Variants in RUNX2 observed in about 807,000 individuals in gnomAD.
The protein encoded by RUNX2 is runt-related transcription factor 2.
In RUNX2, 10 loss-of-function variants were observed where a neutral mutation model predicts 51.7. That is an observed-to-expected ratio of 0.19 (90% CI 0.12 to 0.33). The LOEUF (loss-of-function observed/expected upper bound fraction) is 0.33. Among genes scored for constraint, RUNX2 ranks in the 10% least tolerant of loss-of-function variants. The pLI, the probability that RUNX2 is intolerant of heterozygous loss-of-function variation, is 1.00. For synonymous variants in RUNX2, 276 were observed against 273.6 expected (o/e 1.01, Z -0.09); for missense variants, 562 against 691.3 (o/e 0.81, Z 2.10).
chr6:45,493,808 G>T (rs1237679824), intron 6 of RUNX2, among the ~76,000 whole-genome samples: 1 of 151,634 alleles, frequency 6.6e-6, no homozygotes, highest in East Asian at 1.9e-4. Context: ...GTTTATATAT[G>T]ATTTGTAATG....
At chr6:45,506,752 C>T (rs569298553) in intron 6 of RUNX2, among the ~76,000 whole-genome samples, 1 of 152,212 alleles carries the variant, frequency 6.6e-6, no homozygotes, top group South Asian at 2.1e-4. Flanking sequence ...ATGATCCTCC[C>T]TCCTCAGCCT....
At chr6:45,449,990 T>A (rs74970061) in intron 5 of RUNX2, among the ~76,000 whole-genome samples, 2,699 of 152,320 alleles carry the variant, frequency 0.018, 83 homozygotes, top group African/African-American at 0.062. Context: ...AACATCGTGA[T>A]GTGTATCTCC....
At chr6:45,534,010 T>C (rs949728265) in intron 7 of RUNX2, among the ~76,000 whole-genome samples, 1 of 149,582 alleles carries the variant, frequency 6.7e-6, no homozygotes, top group Non-Finnish European at 1.5e-5. Flanking sequence ...TTCTCATGCC[T>C]CAGCCTCCCG....
intron 2 of RUNX2, among the ~76,000 whole-genome samples, chr6:45,389,608 C>A (rs1797426086): frequency 6.6e-6 from 1 of 152,136 alleles, no homozygotes; most frequent in African/African-American, 2.4e-5. Flanking sequence ...AATAATGGAT[C>A]ATTGTAGAGA....
intron 5 of RUNX2, among the ~76,000 whole-genome samples, chr6:45,481,157 T>C (rs552879519): frequency 6.6e-6 from 1 of 152,296 alleles, no homozygotes; most frequent in African/African-American, 2.4e-5. Flanking sequence ...AAAACCTTAA[T>C]AATGAAAGAG....
At chr6:45,430,679 A>G (rs955977846) in intron 3 of RUNX2, among the ~76,000 whole-genome samples, 1 of 152,180 alleles carries the variant, frequency 6.6e-6, no homozygotes, top group African/African-American at 2.4e-5. Context: ...CAAAGGAGGG[A>G]GTAGCACTAG....
chr6:45,386,497 A>G (rs1340868948), intron 2 of RUNX2, among the ~76,000 whole-genome samples: 1 of 152,208 alleles, frequency 6.6e-6, no homozygotes, highest in East Asian at 1.9e-4. Context: ...TGAGGCCACT[A>G]AGTGTTGACT....
intron 5 of RUNX2, among the ~76,000 whole-genome samples, chr6:45,480,208 T>C (rs1035710852): frequency 6.6e-6 from 1 of 152,344 alleles, no homozygotes; most frequent in African/African-American, 2.4e-5. Flanking sequence ...CGCTATTCCA[T>C]TGGAAAGCGG....
intron 4 of RUNX2, among the ~76,000 whole-genome samples, chr6:45,435,048 A>G (rs1388111157): frequency 6.6e-6 from 1 of 152,212 alleles, no homozygotes; most frequent in Non-Finnish European, 1.5e-5. Flanking sequence ...CTTTTGCTGT[A>G]GTTGTTAATT....
rs764874752 is a variant in RUNX2, at chr6:45,540,560, G to T, written c.1022-4657G>T. Among the ~76,000 whole-genome samples, 73 of 152,162 alleles carry T rather than the reference G, an allele frequency of 4.8e-4. 1 individual carries two copies. The highest frequency in any genetic ancestry group is 3.0e-3 in the Admixed American group (46 of 15,276). The stretch of plus-strand genomic sequence containing the variant: ...AAACTCATCTATAGAACTCATCTAT[G>T]ATTCTTGATGACTCTGACTTCTGCT... On this transcript the variant is annotated intron_variant, in intron 7 of 8. Transcript: ENST00000647337.
intron 7 of RUNX2, among the ~76,000 whole-genome samples, chr6:45,531,005 C>T (rs978387198): frequency 2.6e-5 from 4 of 152,114 alleles, no homozygotes; most frequent in Admixed American, 6.5e-5. Flanking sequence ...ATCATTACAA[C>T]GCATTGAAGT....
intron 4 of RUNX2, among the ~76,000 whole-genome samples, chr6:45,435,717 C>A (rs1413777505): frequency 6.6e-6 from 1 of 152,118 alleles, no homozygotes; most frequent in Non-Finnish European, 1.5e-5. Context: ...TGTATATATC[C>A]TTGATTTATT....
chr6:45,518,676 G>A (rs1044457912), intron 7 of RUNX2, among the ~76,000 whole-genome samples: 2 of 152,186 alleles, frequency 1.3e-5, no homozygotes, highest in South Asian at 4.2e-4. Flanking sequence ...GTTTTTGTGG[G>A]GATTTATTTC....
intron 2 of RUNX2, among the ~76,000 whole-genome samples, chr6:45,358,333 A>AT (rs1406431413): frequency 6.6e-6 from 1 of 152,182 alleles, no homozygotes; most frequent in Non-Finnish European, 1.5e-5. Context: ...TGCCTGGCTT[A>AT]TTTAATATAC....
chr6:45,389,433 G>T (rs191738702), intron 2 of RUNX2, among the ~76,000 whole-genome samples: 2 of 152,268 alleles, frequency 1.3e-5, no homozygotes, highest in South Asian at 4.1e-4. Context: ...ATGTGTGTAG[G>T]TGATCAAGGT....
Position 45,432,039 on chromosome 6 carries a change from T to A in RUNX2, c.580+20T>A. ...GACGAGGTAGGTCTCTGACTTTTGATACTGATAATAGAATAAGCACATTAG... is the reference window on the plus strand; with the variant it reads ...GACGAGGTAGGTCTCTGACTTTTGAAACTGATAATAGAATAAGCACATTAG... On this transcript the variant is annotated intron_variant, in intron 4 of 8. Transcript: ENST00000647337. 1 of 1,612,280 alleles carries A rather than the reference T, an allele frequency of 6.2e-7. No individual in the cohort carries two copies. Among genetic ancestry groups the A allele is most frequent in the Non-Finnish European group, 8.5e-7 (1 of 1,178,694 alleles).
chr6:45,359,132 A>G (rs1793791956), intron 2 of RUNX2, among the ~76,000 whole-genome samples: 1 of 152,150 alleles, frequency 6.6e-6, no homozygotes, highest in Admixed American at 6.5e-5. Flanking sequence ...TTATCTTCTC[A>G]TGAGAGAATT....
intron 5 of RUNX2, among the ~76,000 whole-genome samples, chr6:45,484,859 CA>C (rs1231364337): frequency 6.6e-6 from 1 of 152,060 alleles, no homozygotes; most frequent in East Asian, 1.9e-4. Context: ...TATTTTTTTC[CA>C]AAACTGCTGT....
intron 7 of RUNX2, among the ~76,000 whole-genome samples, chr6:45,536,427 C>T (rs962438692): frequency 6.6e-6 from 1 of 152,176 alleles, no homozygotes. Context: ...AGAGACTGAA[C>T]AGCACTTGGT....
Sources: allele counts gnomAD v4.1 joint callset (sites outside exome capture counted in the v4.1 genomes callset), GRCh38; gene constraint gnomAD v4.1.1; transcripts MANE v1.5; gene names NCBI Gene and HGNC (gene_info 2026-07-23, HGNC 2026-07-21).